Variants in ADGRV1 observed in about 807,000 individuals in gnomAD.
ADGRV1 encodes G-protein coupled receptor 98.
In ADGRV1, 359 loss-of-function variants were observed where a neutral mutation model predicts 596.2. The observed-to-expected ratio is 0.60, with a 90% CI of 0.55 to 0.66. ADGRV1 has a LOEUF of 0.66. ADGRV1 is among the 30% of genes least tolerant of loss of function. The probability of loss-of-function intolerance (pLI) is 0.00; values close to 1 mark genes in which losing one functional copy is unlikely to be tolerated. For missense variants in ADGRV1, 7,274 were observed against 7,575.6 expected, an observed-to-expected ratio of 0.96 and a Z score of 1.48; for synonymous variants, 2,681 against 2,679.2, an observed-to-expected ratio of 1.00 and a Z score of -0.02.
intron 4 of ADGRV1, among the ~76,000 whole-genome samples, chr5:90,620,063 G>A (rs1463410308): frequency 5.9e-5 from 9 of 151,828 alleles, no homozygotes; most frequent in South Asian, 2.1e-4. Context: ...ATAAAAATAC[G>A]TGTGCATGTG....
chr5:90,608,940 A>G (rs1762420159), intron 1 of ADGRV1, among the ~76,000 whole-genome samples: 2 of 152,174 alleles, frequency 1.3e-5, no homozygotes, highest in South Asian at 4.1e-4. Flanking sequence ...TGATGGGTGT[A>G]GTGAAAGTCA....
chr5:91,092,218 G>C (rs976225141), intron 86 of ADGRV1, among the ~76,000 whole-genome samples: 2 of 152,152 alleles, frequency 1.3e-5, no homozygotes, highest in African/African-American at 4.8e-5. Flanking sequence ...TCCTGCCTCA[G>C]CCTCCCGAAT....
chr5:90,820,618 C>CA (rs1431909355), intron 75 of ADGRV1, among the ~76,000 whole-genome samples: 1 of 150,856 alleles, frequency 6.6e-6, no homozygotes, highest in Non-Finnish European at 1.5e-5. Flanking sequence ...CTGGTGGTGA[C>CA]AAAATCTCTC....
intron 84 of ADGRV1, among the ~76,000 whole-genome samples, chr5:90,969,470 C>T (rs1778761489): frequency 2.0e-5 from 3 of 152,226 alleles, no homozygotes; most frequent in Non-Finnish European, 1.5e-5. Context: ...GAACCTTTAA[C>T]TCCTTATTAA....
At chr5:91,087,919 C>A (rs1790033765) in intron 86 of ADGRV1, among the ~76,000 whole-genome samples, 1 of 152,146 alleles carries the variant, frequency 6.6e-6, no homozygotes, top group Non-Finnish European at 1.5e-5. Context: ...ATAAATTCCA[C>A]CCAGTCATAT....
At chr5:90,768,671 C>T (rs529058942) in intron 59 of ADGRV1, among the ~76,000 whole-genome samples, 2 of 152,268 alleles carry the variant, frequency 1.3e-5, no homozygotes, top group African/African-American at 4.8e-5. Flanking sequence ...AGGGCAAAGT[C>T]CTTCTTTCCT....
intron 70 of ADGRV1, among the ~76,000 whole-genome samples, chr5:90,795,706 A>T (rs1158578784): frequency 6.6e-6 from 1 of 152,126 alleles, no homozygotes; most frequent in African/African-American, 2.4e-5. Context: ...TGACTGGGAG[A>T]CACCTCCCAG....
At chr5:90,584,305 T>C (rs990020301) in intron 1 of ADGRV1, among the ~76,000 whole-genome samples, 2 of 152,208 alleles carry the variant, frequency 1.3e-5, no homozygotes, top group Admixed American at 6.5e-5. Flanking sequence ...TCTTCTAGAA[T>C]CCCGAAGAAT....
At chr5:91,117,612 G>C (rs1205135019) in intron 87 of ADGRV1, among the ~76,000 whole-genome samples, 1 of 152,154 alleles carries the variant, frequency 6.6e-6, no homozygotes, top group Admixed American at 6.6e-5. Context: ...AACGCTGAAA[G>C]AAGAGTACCT....
In ADGRV1 at chr5:90,745,039, C is replaced by T. The variant is rs191228562; in HGVS notation, c.10550-7C>T. ...CACTCAAGTTGTTTTTTCTTTCCTT[C>T]CTGCAGCCCACATACTTCTTATTGG... is the stretch of plus-strand genomic sequence containing the variant. On this transcript the variant is annotated splice_polypyrimidine_tract_variant and splice_region_variant and intron_variant, in intron 50 of 89. Coordinates refer to ENST00000405460, the MANE Select transcript of ADGRV1 (RefSeq NM_032119.4). 497 of 1,608,070 alleles carry T rather than the reference C, an allele frequency of 3.1e-4. No homozygotes were observed. The highest frequency in any genetic ancestry group is 4.0e-4 in the Admixed American group (24 of 59,764).
chr5:90,946,632 A>T (rs2150886782), intron 83 of ADGRV1, among the ~76,000 whole-genome samples: 1 of 151,928 alleles, frequency 6.6e-6, no homozygotes, highest in African/African-American at 2.4e-5. Flanking sequence ...CACACACAAC[A>T]GGCCCCAGTG....
In ADGRV1 at chr5:90,777,769, T is replaced by G. The variant is rs1758401586; in HGVS notation, c.12528-136T>G. The G allele has an allele frequency of 5.4e-6, 4 of 741,384 alleles. No homozygotes were observed. The East Asian group carries it at 1.1e-4, about 21-fold the overall frequency. The allele number at this position is 741,384 out of a possible 1,614,324, so 45.9% of individuals were successfully genotyped here. A position where few individuals can be genotyped will look rare whatever the true frequency, so the allele number is the denominator to read the frequency against. ...TTAAGACTTCCTTTGGTTTATAGTTTGGTAAATGAGGTTATTTAAAAGAAA... is the reference window on the plus strand; with the variant it reads ...TTAAGACTTCCTTTGGTTTATAGTTGGGTAAATGAGGTTATTTAAAAGAAA... On this transcript the variant is annotated intron_variant, in intron 61 of 89. Coordinates refer to ENST00000405460, the MANE Select transcript of ADGRV1 (RefSeq NM_032119.4).
intron 85 of ADGRV1, among the ~76,000 whole-genome samples, chr5:91,068,517 TC>T (rs1788088134): frequency 6.6e-6 from 1 of 151,708 alleles, no homozygotes; most frequent in Non-Finnish European, 1.5e-5. Flanking sequence ...ATAATATATT[TC>T]TTTTTAATAT....
Position 90,988,395 on chromosome 5 carries a change from T to C in ADGRV1, c.18152+2873T>C, listed in dbSNP as rs143862671. On this transcript the variant is annotated intron_variant, in intron 85 of 89. Coordinates refer to ENST00000405460, the MANE Select transcript of ADGRV1 (RefSeq NM_032119.4). ...AAAGTCCAAAATTTTACCAAATTTATATAATCTAGGGTTAAATTTCTTATG... is the reference window on the plus strand; with the variant it reads ...AAAGTCCAAAATTTTACCAAATTTACATAATCTAGGGTTAAATTTCTTATG... Among the ~76,000 whole-genome samples the C allele has an allele frequency of 4.3e-3, 655 of 152,330 alleles. 3 individuals are homozygous for C. Among genetic ancestry groups the C allele is most frequent in the African/African-American group, 0.015 (623 of 41,574 alleles).
At chr5:90,662,707 C>A (rs530028283) in intron 21 of ADGRV1, among the ~76,000 whole-genome samples, 2 of 151,940 alleles carry the variant, frequency 1.3e-5, no homozygotes, top group East Asian at 3.9e-4. Context: ...GTGCTCTGCA[C>A]CCACTAACTC....
chr5:91,117,634 T>C (rs771878223), intron 87 of ADGRV1, among the ~76,000 whole-genome samples: 22 of 152,202 alleles, frequency 1.4e-4, no homozygotes, highest in Admixed American at 3.9e-4. Context: ...TTGTATTATA[T>C]TGGAAACCTC....
intron 87 of ADGRV1, 21 bp from the exon 88 acceptor site, chr5:91,150,009 C>CTTTTTTTTTTTTTTTTTTTTT: frequency 7.8e-7 from 1 of 1,288,698 alleles, no homozygotes; most frequent in East Asian, 3.0e-5. Context: ...CTTTTCTTTT[C>CTTTTTTTTTTTTTTTTTTTTT]TTTTTTTTTT....
At chr5:91,067,339 C>A (rs1458649438) in intron 85 of ADGRV1, among the ~76,000 whole-genome samples, 1 of 152,032 alleles carries the variant, frequency 6.6e-6, no homozygotes, top group Non-Finnish European at 1.5e-5. Context: ...GAAGGGGTTT[C>A]TCCATGTTGT....
intron 1 of ADGRV1, among the ~76,000 whole-genome samples, chr5:90,561,937 T>G (rs1754887766): frequency 6.6e-6 from 1 of 150,394 alleles, no homozygotes; most frequent in Admixed American, 6.6e-5. Flanking sequence ...TTCTTTTGAT[T>G]TGGAAATAAC....
Sources: allele counts gnomAD v4.1 joint callset (sites outside exome capture counted in the v4.1 genomes callset), GRCh38; gene constraint gnomAD v4.1.1; transcripts MANE v1.5; gene names NCBI Gene and HGNC (gene_info 2026-07-23, HGNC 2026-07-21).